The following PARD3 variants were observed in gnomAD, a reference collection of about 807,000 sequenced individuals.
PARD3 encodes the protein partitioning defective 3 homolog.
PARD3 carries 75 observed loss-of-function variants against 155.4 expected under a neutral mutation model. The observed-to-expected ratio is 0.48, with a 90% CI of 0.40 to 0.58. The LOEUF (loss-of-function observed/expected upper bound fraction) is 0.58, where lower values mean the gene tolerates loss of function less well. Among genes scored for constraint, PARD3 ranks in the 20% least tolerant of loss-of-function variants. The pLI is 0.00. For missense variants in PARD3, 1,642 were observed against 1,721.7 expected (o/e 0.95, Z 0.82); for synonymous variants, 576 against 610.5 (o/e 0.94, Z 0.83).
chr10:34,683,985 A>G lies in PARD3; in HGVS notation c.222+12333T>C, dbSNP rs150906323. Among the ~76,000 whole-genome samples, 294 of 152,344 alleles carry G rather than the reference A, an allele frequency of 1.9e-3. 11 individuals carry two copies. In the East Asian group the frequency reaches 0.053, roughly 28 times the overall value. The stretch of plus-strand genomic sequence containing the variant: ...TTAAATATTTGCTTCTTTACACTCT[A>G]AAATAAGCTCACTTAGGAGGAAATG... On this transcript the variant is annotated intron_variant, in intron 2 of 24. Transcript: ENST00000374788.
chr10:34,728,810 T>A (rs2094764903), intron 1 of PARD3, among the ~76,000 whole-genome samples: 1 of 152,222 alleles, frequency 6.6e-6, no homozygotes, highest in African/African-American at 2.4e-5. Context: ...AATGTAATAT[T>A]CTAGGTTTCA....
At chr10:34,688,646 A>G (rs2093993470) in intron 2 of PARD3, among the ~76,000 whole-genome samples, 1 of 152,160 alleles carries the variant, frequency 6.6e-6, no homozygotes, top group Admixed American at 6.5e-5. Flanking sequence ...ACCTACTCCA[A>G]GGGGCCAGGG....
At chr10:34,389,210 T>G (rs1318815053) in intron 7 of PARD3, among the ~76,000 whole-genome samples, 1 of 136,746 alleles carries the variant, frequency 7.3e-6, no homozygotes, top group Non-Finnish European at 1.5e-5. Flanking sequence ...CATATTTCTT[T>G]CAAGACTTCG....
At chr10:34,438,377 TA>T (rs2076293250) in intron 5 of PARD3, among the ~76,000 whole-genome samples, 1 of 152,206 alleles carries the variant, frequency 6.6e-6, no homozygotes, top group South Asian at 2.1e-4. Context: ...TTATAAGCAA[TA>T]ATGTCATCAA....
At chr10:34,566,136 A>G (rs989573397) in intron 2 of PARD3, among the ~76,000 whole-genome samples, 2 of 152,196 alleles carry the variant, frequency 1.3e-5, no homozygotes, top group African/African-American at 4.8e-5. Context: ...TTACCACCAC[A>G]ACCAACAAAT....
chr10:34,370,132 A>G (rs1840430110), intron 12 of PARD3, among the ~76,000 whole-genome samples: 1 of 152,254 alleles, frequency 6.6e-6, no homozygotes, highest in South Asian at 2.1e-4. Context: ...CGCATAAAAA[A>G]TTAAGAAACA....
intron 1 of PARD3, among the ~76,000 whole-genome samples, chr10:34,787,099 A>G (rs185311550): frequency 1.7e-4 from 26 of 152,304 alleles, no homozygotes; most frequent in Middle Eastern, 3.4e-3. Flanking sequence ...ATATAAAGAT[A>G]GGCCAGGCAC....
intron 22 of PARD3, among the ~76,000 whole-genome samples, chr10:34,255,592 G>A (rs1475070665): frequency 6.6e-6 from 1 of 152,196 alleles, no homozygotes; most frequent in African/African-American, 2.4e-5. Context: ...AAAGATATCT[G>A]TTAGGTGGTT....
intron 3 of PARD3, among the ~76,000 whole-genome samples, chr10:34,507,818 T>C (rs997813725): frequency 1.3e-5 from 2 of 152,224 alleles, no homozygotes; most frequent in Non-Finnish European, 2.9e-5. Flanking sequence ...GGATGGGTTT[T>C]ATATGCTGAA....
chr10:34,543,238 T>C (rs1156446570), intron 2 of PARD3, among the ~76,000 whole-genome samples: 1 of 151,984 alleles, frequency 6.6e-6, no homozygotes, highest in Non-Finnish European at 1.5e-5. Context: ...CCCACTGCAC[T>C]CTAGCCTGGG....
intron 17 of PARD3, 84 bp from the exon 18 acceptor site, chr10:34,336,327 T>C (rs1227418125): frequency 1.1e-6 from 1 of 951,596 alleles, no homozygotes; most frequent in Non-Finnish European, 1.7e-6. Flanking sequence ...TCTTTTTAGT[T>C]AGGTGACGAT....
chr10:34,327,095 A>G (rs1000326453), intron 19 of PARD3, among the ~76,000 whole-genome samples: 2 of 152,224 alleles, frequency 1.3e-5, no homozygotes, highest in African/African-American at 2.4e-5. Context: ...ATCTTACTGC[A>G]TGCATTTTCT....
chr10:34,569,158 T>A (rs2086185889), intron 2 of PARD3, among the ~76,000 whole-genome samples: 1 of 152,120 alleles, frequency 6.6e-6, no homozygotes, highest in East Asian at 1.9e-4. Context: ...ATTAGCCAAA[T>A]ACAACATGAG....
chr10:34,131,412 C>A (rs1410518960), intron 23 of PARD3, 51 bp downstream of exon 23: 1 of 1,609,420 alleles, frequency 6.2e-7, no homozygotes, highest in South Asian at 1.1e-5. Flanking sequence ...GTGGCCTTTG[C>A]TGCAGGGAAG....
chr10:34,169,194 A>C (rs1185521631), intron 22 of PARD3, among the ~76,000 whole-genome samples: 1 of 152,214 alleles, frequency 6.6e-6, no homozygotes, highest in African/African-American at 2.4e-5. Flanking sequence ...CAGGAAATTC[A>C]ATTTCTATGT....
chr10:34,227,128 T>A (rs145102551), intron 22 of PARD3, among the ~76,000 whole-genome samples: 1 of 152,162 alleles, frequency 6.6e-6, no homozygotes, highest in Admixed American at 6.5e-5. Context: ...CTGACAAAGG[T>A]CTAATATCTG....
chr10:34,720,781 G>C (rs1291709807), intron 1 of PARD3, among the ~76,000 whole-genome samples: 1 of 150,358 alleles, frequency 6.7e-6, no homozygotes, highest in Non-Finnish European at 1.5e-5. Flanking sequence ...TGGGCAACAA[G>C]AGCGAAACTC....
rs537608624 is a variant in PARD3, at chr10:34,710,696, G to T, written c.121-14277C>A. Among the ~76,000 whole-genome samples, 5 of 152,274 alleles carry T rather than the reference G, an allele frequency of 3.3e-5. No individual in the cohort carries two copies. In the East Asian group the frequency reaches 9.6e-4, roughly 29 times the overall value. On this transcript the variant is annotated intron_variant, in intron 1 of 24. Coordinates refer to ENST00000374788, the MANE Select transcript of PARD3 (RefSeq NM_001184785.2). Reference sequence around the variant, plus strand: ...CCTCACCGTATTTCGATGTTCAATTGTTCTGTTCACTGATAAACCCCAAGC... The same window carrying T: ...CCTCACCGTATTTCGATGTTCAATTTTTCTGTTCACTGATAAACCCCAAGC...
At chr10:34,196,317 A>G (rs542813450) in intron 22 of PARD3, among the ~76,000 whole-genome samples, 9 of 152,248 alleles carry the variant, frequency 5.9e-5, no homozygotes, top group Non-Finnish European at 1.3e-4. Context: ...ATACCCCATC[A>G]ACTCCAGTTA....
Sources: gnomAD v4.1 joint callset for allele counts (sites outside exome capture counted in the v4.1 genomes callset) on GRCh38, gnomAD v4.1.1 for gene constraint, MANE v1.5 for transcripts, NCBI Gene and HGNC (gene_info 2026-07-23, HGNC 2026-07-21) for gene names.